PRKN: variants seen among roughly 807,000 people sequenced by gnomAD.
PRKN encodes the protein parkin RBR E3 ubiquitin protein ligase, also known as E3 ubiquitin-protein ligase parkin.
Under a neutral mutation model 59.5 loss-of-function variants are expected in PRKN, and 56 were observed. The observed-to-expected ratio is 0.94, with a 90% CI of 0.76 to 1.18. The LOEUF is 1.18. Ranked by LOEUF, PRKN falls within the 50% of genes most tolerant of loss-of-function variation. The pLI is 0.00. For synonymous variants in PRKN, 250 were observed against 222.1 expected (o/e 1.13, Z -1.12); for missense variants, 657 against 596.4 (o/e 1.10, Z -1.06).
At chr6:161,416,908 C>T (rs1387198275) in intron 9 of PRKN, among the ~76,000 whole-genome samples, 2 of 152,090 alleles carry the variant, frequency 1.3e-5, no homozygotes, top group Admixed American at 1.3e-4. Context: ...GGTCAGAATG[C>T]AGGATTTGCA....
chr6:161,350,314 A>G, intron 11 of PRKN, 103 bp from the exon 12 acceptor site: 2 of 775,318 alleles, frequency 2.6e-6, no homozygotes, highest in South Asian at 3.0e-5. Context: ...TTTCTGAGCG[A>G]ATAATCACAA....
At chr6:162,457,167 A>G (rs567262702) in intron 1 of PRKN, among the ~76,000 whole-genome samples, 6 of 152,280 alleles carry the variant, frequency 3.9e-5, no homozygotes, top group African/African-American at 1.4e-4. Flanking sequence ...TAATTTTACC[A>G]TGTTGGTGAA....
rs138444300 is a variant in PRKN at position 162,074,611 on chromosome 6, C to T, written c.535-20437G>A. On this transcript the variant is annotated intron_variant, in intron 4 of 11. Transcript: ENST00000366898. Reference sequence around the variant, plus strand: ...AACCTGCACAATGTGCACATGTACCCTAAAACTTAAAGTATATATATAAAA... The same window carrying T: ...AACCTGCACAATGTGCACATGTACCTTAAAACTTAAAGTATATATATAAAA... Among the ~76,000 whole-genome samples the T allele has an allele frequency of 3.8e-3, 368 of 96,462 alleles. 3 individuals are homozygous for T. The highest frequency in any genetic ancestry group is 0.015 in the African/African-American group (361 of 24,094). The allele number at this position is 96,462 out of a possible 152,430, so 63.3% of individuals were successfully genotyped here.
rs1554243474 is a variant in PRKN, at chr6:162,556,374, T to TGTGTGTGTGTGCGC, written c.8-112902_8-112901insGCGCACACACACAC. On this transcript the variant is annotated intron_variant, in intron 1 of 11. Transcript: ENST00000366898. ...GTGTGTGTGTGTGTGTGTGTGTGTG[T>TGTGTGTGTGTGCGC]GTGTGTGTGTGTGTGTGTGTGTGTG... Among the ~76,000 whole-genome samples the TGTGTGTGTGTGCGC allele has an allele frequency of 2.8e-4, 35 of 124,236 alleles. No individual in the cohort carries two copies. In the East Asian group the frequency reaches 6.0e-3, roughly 21 times the overall value. The allele number at this position is 124,236 out of a possible 152,430, so 81.5% of individuals were successfully genotyped here.
intron 6 of PRKN, among the ~76,000 whole-genome samples, chr6:161,812,428 T>A (rs1187340684): frequency 6.6e-6 from 1 of 152,050 alleles, no homozygotes; most frequent in Non-Finnish European, 1.5e-5. Flanking sequence ...ACCATAAAGA[T>A]GAAAAGGCAA....
intron 4 of PRKN, among the ~76,000 whole-genome samples, chr6:162,179,892 T>G (rs1783711854): frequency 7.0e-6 from 1 of 143,532 alleles, no homozygotes; most frequent in Non-Finnish European, 1.5e-5. Context: ...ATTTAGTGTT[T>G]GCCTCCTCTT....
At chr6:162,308,240 T>C (rs990153561) in intron 2 of PRKN, among the ~76,000 whole-genome samples, 1 of 152,052 alleles carries the variant, frequency 6.6e-6, no homozygotes, top group African/African-American at 2.4e-5. Context: ...TATTCATGCA[T>C]CTCTGCTAAG....
chr6:161,662,500 G>A (rs1453070361), intron 7 of PRKN, among the ~76,000 whole-genome samples: 1 of 152,146 alleles, frequency 6.6e-6, no homozygotes, highest in Non-Finnish European at 1.5e-5. Context: ...AGCCTCCAGG[G>A]AGTTAAATCC....
chr6:162,006,135 G>A (rs2128265087), intron 5 of PRKN, among the ~76,000 whole-genome samples: 1 of 152,194 alleles, frequency 6.6e-6, no homozygotes, highest in Middle Eastern at 3.4e-3. Flanking sequence ...ATTTTATTTT[G>A]TCTAATGACT....
intron 2 of PRKN, among the ~76,000 whole-genome samples, chr6:162,350,471 A>T (rs1784577931): frequency 6.6e-6 from 1 of 152,224 alleles, no homozygotes; most frequent in African/African-American, 2.4e-5. Context: ...CGTTATTGGT[A>T]CAGATACAGA....
chr6:161,421,894 C>A (rs1788123367), intron 9 of PRKN, among the ~76,000 whole-genome samples: 1 of 152,060 alleles, frequency 6.6e-6, no homozygotes, highest in African/African-American at 2.4e-5. Flanking sequence ...TCTTCAGCAA[C>A]AGAGTGGCTA....
At chr6:162,312,800 G>A (rs75547218) in intron 2 of PRKN, among the ~76,000 whole-genome samples, 6,529 of 152,142 alleles carry the variant, frequency 0.043, 148 homozygotes, top group Non-Finnish European at 0.051. Flanking sequence ...TAAAATTTCA[G>A]AAGATTCAAG....
chr6:161,954,982 A>T (rs2128246913), intron 6 of PRKN, among the ~76,000 whole-genome samples: 1 of 152,278 alleles, frequency 6.6e-6, no homozygotes, highest in African/African-American at 2.4e-5. Context: ...ACAATCTTAA[A>T]TTTGGAACTA....
chr6:161,994,784 A>G (rs1246245477), intron 5 of PRKN, among the ~76,000 whole-genome samples: 5 of 152,174 alleles, frequency 3.3e-5, no homozygotes, highest in Non-Finnish European at 5.9e-5. Flanking sequence ...AAGGAAAACT[A>G]CAAAACACTG....
At chr6:162,111,444 AAC>A (rs1330869794) in intron 4 of PRKN, among the ~76,000 whole-genome samples, 1 of 151,146 alleles carries the variant, frequency 6.6e-6, no homozygotes, top group East Asian at 1.9e-4. Context: ...CAGCCTGGGC[AAC>A]AGAGTGAGAC....
intron 9 of PRKN, among the ~76,000 whole-genome samples, chr6:161,453,051 A>C (rs904411254): frequency 2.6e-5 from 4 of 152,196 alleles, no homozygotes; most frequent in Non-Finnish European, 5.9e-5. Flanking sequence ...CGTGTATTCA[A>C]TCGCATTTTT....
intron 3 of PRKN, among the ~76,000 whole-genome samples, chr6:162,235,542 T>G (rs1212857710): frequency 1.3e-5 from 2 of 152,176 alleles, no homozygotes; most frequent in African/African-American, 4.8e-5. Context: ...GCGCAGTGGC[T>G]GAAGCCTCTA....
At chr6:162,033,906 A>T (rs1273541678) in intron 5 of PRKN, among the ~76,000 whole-genome samples, 1 of 152,142 alleles carries the variant, frequency 6.6e-6, no homozygotes, top group Non-Finnish European at 1.5e-5. Flanking sequence ...TCAATATGCA[A>T]AGTATAAGAA....
intron 2 of PRKN, among the ~76,000 whole-genome samples, chr6:162,392,213 T>C (rs972995910): frequency 2.6e-5 from 4 of 152,172 alleles, no homozygotes; most frequent in African/African-American, 7.2e-5. Flanking sequence ...TCTCTCATTA[T>C]TGTTGGTCTT....
Sources: allele counts gnomAD v4.1 joint callset (sites outside exome capture counted in the v4.1 genomes callset), GRCh38; gene constraint gnomAD v4.1.1; transcripts MANE v1.5; gene names NCBI Gene and HGNC (gene_info 2026-07-23, HGNC 2026-07-21).